ZFYVE9: variants seen among roughly 807,000 people sequenced by gnomAD.
The protein encoded by ZFYVE9 is zinc finger FYVE domain-containing protein 9.
In ZFYVE9, 43 loss-of-function variants were observed where a neutral mutation model predicts 126.7. The observed-to-expected ratio is 0.34, with a 90% CI of 0.27 to 0.44. ZFYVE9 has a LOEUF of 0.44. Ranked by LOEUF, ZFYVE9 falls within the 20% of genes least tolerant of loss-of-function variation. ZFYVE9 has a pLI of 1.00. For synonymous variants in ZFYVE9, 521 were observed against 597.4 expected (o/e 0.87, Z 1.87); for missense variants, 1,476 against 1,697.0 (o/e 0.87, Z 2.29).
chr1:52,201,495 G>C (rs1572096147), intron 1 of ZFYVE9, among the ~76,000 whole-genome samples: 1 of 150,108 alleles, frequency 6.7e-6, no homozygotes, highest in East Asian at 2.0e-4. Context: ...TCCTGCCTCA[G>C]CCTCCCAAGT....
intron 1 of ZFYVE9, chr1:52,179,877 G>A: frequency 1.3e-6 from 1 of 778,180 alleles, no homozygotes; most frequent in Non-Finnish European, 2.3e-6. Context: ...ACTGAATGGA[G>A]TGACATCTTA....
chr1:52,253,641 A>G, intron 4 of ZFYVE9: 1 of 1,471,716 alleles, frequency 6.8e-7, no homozygotes, highest in South Asian at 1.1e-5. Flanking sequence ...CAAACAAGGC[A>G]CCTCCTGGTA....
intron 1 of ZFYVE9, among the ~76,000 whole-genome samples, chr1:52,156,647 G>T (rs1644405640): frequency 6.6e-6 from 1 of 152,206 alleles, no homozygotes; most frequent in African/African-American, 2.4e-5. Flanking sequence ...GGGTAGGTCT[G>T]TGGACCAGTG....
At chr1:52,341,170 A>T (rs1646433911) in intron 17 of ZFYVE9, among the ~76,000 whole-genome samples, 2 of 152,240 alleles carry the variant, frequency 1.3e-5, no homozygotes, top group African/African-American at 2.4e-5. Flanking sequence ...TGGTGAGCCG[A>T]GATTGTGCCA....
At chr1:52,217,022 T>G (rs1417926879) in intron 2 of ZFYVE9, among the ~76,000 whole-genome samples, 1 of 152,202 alleles carries the variant, frequency 6.6e-6, no homozygotes, top group Admixed American at 6.5e-5. Context: ...CCAATATCTG[T>G]GTTGGAAACA....
chr1:52,176,978 G>A (rs554888449), intron 1 of ZFYVE9, among the ~76,000 whole-genome samples: 16 of 152,130 alleles, frequency 1.1e-4, no homozygotes, highest in South Asian at 8.3e-4. Flanking sequence ...GCTTCGGCTC[G>A]TGCACAGTGC....
chr1:52,343,247 C>T (rs1432379207), intron 17 of ZFYVE9, among the ~76,000 whole-genome samples: 2 of 151,820 alleles, frequency 1.3e-5, no homozygotes, highest in African/African-American at 2.4e-5. Context: ...TTAAGAAGTC[C>T]TCAGCCTGGC....
intron 1 of ZFYVE9, among the ~76,000 whole-genome samples, chr1:52,146,421 A>C (rs1364374421): frequency 1.3e-5 from 2 of 152,172 alleles, no homozygotes; most frequent in African/African-American, 4.8e-5. Flanking sequence ...TGTTTTCAGA[A>C]CATAGATTTT....
At chr1:52,214,210 T>G (rs770200685) in intron 1 of ZFYVE9, among the ~76,000 whole-genome samples, 8 of 152,132 alleles carry the variant, frequency 5.3e-5, no homozygotes, top group Non-Finnish European at 1.2e-4. Flanking sequence ...GCAGATCTCT[T>G]GAGGTCAGTA....
In ZFYVE9 at chr1:52,272,194, T is replaced by A. The variant is rs191840872; in HGVS notation, c.2626-2270T>A. The stretch of plus-strand genomic sequence containing the variant: ...CAGGTATACAATATATGTAGCAAAA[T>A]GCATGACTAAGGAGCATGAATCTTT... On this transcript the variant is annotated intron_variant, in intron 7 of 18. Coordinates refer to ENST00000287727, the MANE Select transcript of ZFYVE9 (RefSeq NM_004799.4). Among the ~76,000 whole-genome samples the A allele has an allele frequency of 2.0e-5, 3 of 152,360 alleles. No homozygotes were observed. In the East Asian group the frequency reaches 5.8e-4, roughly 29 times the overall value.
chr1:52,249,120 C>A (rs988124384), intron 4 of ZFYVE9, among the ~76,000 whole-genome samples: 1 of 152,164 alleles, frequency 6.6e-6, no homozygotes, highest in African/African-American at 2.4e-5. Flanking sequence ...TGTTCCACCA[C>A]GGTAAGATGT....
At position 52,266,798 on chromosome 1, in the gene ZFYVE9, C is replaced by G; in HGVS notation, c.2422C>G (p.Pro808Ala). The change falls in exon 6 of 19, where the codon CCT (proline) becomes GCT (alanine). Residue 808 changes from proline to alanine, a missense_variant. Transcript: ENST00000287727. ...CTCTCCACCTCCCACTGTGATGGTA[C>G]CTGTGGGAGTTTTAAAGCACCCTGG... ...LSSPPPTVMV[P>A]VGVLKHPGAE... 2 of 1,606,982 alleles carry G rather than the reference C, an allele frequency of 1.2e-6. No individual in the cohort carries two copies. Among genetic ancestry groups the G allele is most frequent in the Non-Finnish European group, 1.7e-6 (2 of 1,177,282 alleles).
chr1:52,315,885 G>A (rs187330375), intron 13 of ZFYVE9, among the ~76,000 whole-genome samples: 2 of 152,182 alleles, frequency 1.3e-5, no homozygotes, highest in Non-Finnish European at 2.9e-5. Flanking sequence ...CACGGCCGGG[G>A]CTGGGCGTGA....
intron 1 of ZFYVE9, among the ~76,000 whole-genome samples, chr1:52,191,165 C>G (rs1178971796): frequency 1.3e-5 from 2 of 152,178 alleles, no homozygotes; most frequent in Non-Finnish European, 2.9e-5. Flanking sequence ...GTCTTGAACT[C>G]CTGGACTCAA....
chr1:52,243,008 T>C (rs1021495555), intron 4 of ZFYVE9, among the ~76,000 whole-genome samples: 2 of 152,224 alleles, frequency 1.3e-5, no homozygotes, highest in Non-Finnish European at 2.9e-5. Context: ...TTGTTCCCCA[T>C]TAGGCTGTAA....
Position 52,266,765 on chromosome 1 carries a change from G to A in ZFYVE9, c.2389G>A (p.Ala797Thr), listed in dbSNP as rs375161299. ...CTTGCAGCAAGCTCAGGCCTCAGGA[G>A]CTCTGAGCTCTCCACCTCCCACTGT... is the stretch of plus-strand genomic sequence containing the variant. ...PPLQQAQASG[A>T]LSSPPPTVMV... Residue 797 changes from alanine to threonine, a missense_variant, in exon 6 of 19, where the codon GCT becomes ACT. Around this residue, in one of 2 missense-constraint regions of ZFYVE9, gnomAD observed 669 missense variants for 902.4 expected, o/e 0.74. Coordinates refer to ENST00000287727, the MANE Select transcript of ZFYVE9 (RefSeq NM_004799.4). The A allele has an allele frequency of 1.2e-6, 2 of 1,611,946 alleles. No homozygotes were observed. Among genetic ancestry groups the A allele is most frequent in the Admixed American group, 1.7e-5 (1 of 59,606 alleles).
chr1:52,287,387 A>G (rs1192808831), intron 10 of ZFYVE9, among the ~76,000 whole-genome samples: 3 of 152,222 alleles, frequency 2.0e-5, no homozygotes, highest in Non-Finnish European at 4.4e-5. Flanking sequence ...TGCTGGGATT[A>G]TAGGTGTGAG....
Position 52,238,994 on chromosome 1 carries a change from A to C in ZFYVE9, c.1577A>C (p.Glu526Ala), listed in dbSNP as rs1040233768. 6.2e-7 allele frequency: 1 copy of C among 1,614,030 alleles called. No individual in the cohort carries two copies. Among genetic ancestry groups the C allele is most frequent in the African/African-American group, 1.3e-5 (1 of 74,926 alleles). ...YSNIYEQRGN[E>A]ATEGSGLLLN... ...AATATTTATGAACAGAGAGGAAATG[A>C]GGCCACAGAAGGGAGTGGACTACTT... Residue 526 changes from glutamate to alanine, a missense_variant, in exon 4 of 19, where the codon GAG (glutamate) becomes GCG (alanine). Glu to Ala is a moderately radical substitution (Grantham distance 107). This residue lies in a region of ZFYVE9 where 807 missense variants were observed against 794.6 expected (regional missense o/e 1.02). Coordinates refer to ENST00000287727, the MANE Select transcript of ZFYVE9 (RefSeq NM_004799.4).
intron 7 of ZFYVE9, among the ~76,000 whole-genome samples, chr1:52,271,666 C>G (rs1160129940): frequency 1.3e-5 from 2 of 152,106 alleles, no homozygotes; most frequent in African/African-American, 4.8e-5. Flanking sequence ...AGATTATTTT[C>G]TGTACCAGGC....
Sources: allele counts gnomAD v4.1 joint callset (sites outside exome capture counted in the v4.1 genomes callset), GRCh38; gene constraint gnomAD v4.1.1; regional missense constraint gnomAD v4.1.1; transcripts MANE v1.5; gene names NCBI Gene and HGNC (gene_info 2026-07-23, HGNC 2026-07-21).